The following NUCB2 variants were observed in gnomAD, a reference collection of about 807,000 sequenced individuals.
NUCB2 encodes nucleobindin 2.
A neutral mutation model predicts 57.9 loss-of-function variants in NUCB2; 48 were observed. That is an observed-to-expected ratio of 0.83 (90% CI 0.66 to 1.05). The LOEUF is 1.05. Among genes scored for constraint, NUCB2 ranks in the 50% least tolerant of loss-of-function variants. NUCB2 has a pLI of 0.00. For missense variants in NUCB2, 442 were observed against 476.2 expected (o/e 0.93, Z 0.67); for synonymous variants, 139 against 152.1 (o/e 0.91, Z 0.64).
chr11:17,322,861 T>C (rs763824665), intron 11 of NUCB2, among the ~76,000 whole-genome samples: 3 of 152,194 alleles, frequency 2.0e-5, no homozygotes, highest in Non-Finnish European at 2.9e-5. Flanking sequence ...GATTACTTTT[T>C]AAATTTCTTT....
rs780635662 is a variant in NUCB2, at chr11:17,312,108, T to C, written c.900T>C (p.His300=). ...AAGAAAGGCTTAGAATGAGGGAACA[T>C]GTAATGAATGAGGTATGTTTTAAAA... is the stretch of plus-strand genomic sequence containing the variant. ...MEEERLRMRE[H]VMNEVDTNKD... Residue 300 remains histidine, a synonymous_variant, in exon 10 of 14, where the codon CAT becomes CAC. Coordinates refer to ENST00000529010, the MANE Select transcript of NUCB2 (RefSeq NM_005013.4). 3.4e-6 allele frequency: 5 copies of C among 1,462,068 alleles called. No homozygotes were observed. In the African/African-American group the frequency reaches 5.6e-5, roughly 17 times the overall value. 90.6% of individuals were successfully genotyped at this position (1,462,068 alleles called of 1,614,324 possible).
At chr11:17,321,733 CT>C (rs1224577436) in intron 11 of NUCB2, among the ~76,000 whole-genome samples, 3 of 150,828 alleles carry the variant, frequency 2.0e-5, no homozygotes, top group Non-Finnish European at 3.0e-5. Flanking sequence ...TACGAGGGTT[CT>C]TTTTTTTTCA....
intron 11 of NUCB2, 30 bp downstream of exon 11, chr11:17,315,505 T>C (rs1038384206): frequency 4.5e-6 from 6 of 1,319,536 alleles, no homozygotes; most frequent in Non-Finnish European, 6.5e-6. Context: ...ATGAGATGTA[T>C]GGTTCAACAA....
chr11:17,324,888 G>T (rs939510814), intron 11 of NUCB2, among the ~76,000 whole-genome samples: 1 of 151,870 alleles, frequency 6.6e-6, no homozygotes. Context: ...TGCAACCTCC[G>T]CCTCCTGGGT....
intron 11 of NUCB2, among the ~76,000 whole-genome samples, chr11:17,316,447 A>G (rs747277980): frequency 6.6e-6 from 1 of 152,208 alleles, no homozygotes; most frequent in Non-Finnish European, 1.5e-5. Context: ...AGCATAATTT[A>G]TATATCCATT....
chr11:17,331,955 T>A lies in NUCB2; in HGVS notation c.*536T>A, dbSNP rs1951450036. ...AACTGCTAGAAATTCTTCACCTGAA[T>A]CACTTTTGCTACCACTTCAGGTCAT... On this transcript the variant is annotated 3_prime_UTR_variant, in exon 14 of 14. Coordinates refer to ENST00000529010, the MANE Select transcript of NUCB2 (RefSeq NM_005013.4). 6.6e-6 allele frequency: 1 copy of A among 152,328 alleles called. No individual in the cohort carries two copies. Among genetic ancestry groups the A allele is most frequent in the South Asian group, 2.1e-4 (1 of 4,832 alleles). The allele number at this position is 152,328 out of a possible 1,614,324, so 9.4% of individuals were successfully genotyped here.
chr11:17,326,744 G>A (rs907787778), intron 11 of NUCB2, among the ~76,000 whole-genome samples: 37 of 152,234 alleles, frequency 2.4e-4, no homozygotes, highest in African/African-American at 7.2e-4. Flanking sequence ...GTTTATATAC[G>A]ACAATTACAG....
chr11:17,315,308 A>G, intron 10 of NUCB2, 78 bp from the exon 11 acceptor site: 1 of 689,616 alleles, frequency 1.5e-6, no homozygotes, highest in Non-Finnish European at 2.4e-6. Flanking sequence ...AGTGGCATCT[A>G]TTACAAGACA....
At chr11:17,297,729 A>C (rs1004790707) in intron 4 of NUCB2, among the ~76,000 whole-genome samples, 3 of 152,170 alleles carry the variant, frequency 2.0e-5, no homozygotes, top group African/African-American at 4.8e-5. Context: ...TTCACATTCA[A>C]TTCCTGTTTC....
intron 2 of NUCB2, among the ~76,000 whole-genome samples, chr11:17,283,807 G>A (rs951255904): frequency 1.1e-4 from 17 of 152,304 alleles, no homozygotes; most frequent in African/African-American, 3.6e-4. Flanking sequence ...TAATCATCAG[G>A]AAGTAAATTT....
At chr11:17,319,193 C>T (rs888684494) in intron 11 of NUCB2, among the ~76,000 whole-genome samples, 8 of 152,068 alleles carry the variant, frequency 5.3e-5, no homozygotes, top group African/African-American at 1.7e-4. Context: ...TCCTTCCCCT[C>T]GACCTTCTAC....
At chr11:17,317,444 A>T (rs1353695336) in intron 11 of NUCB2, 1 of 196,154 alleles carries the variant, frequency 5.1e-6, no homozygotes, top group African/African-American at 2.3e-5. Context: ...TAATCATAGT[A>T]AAATTATCAA....
intron 2 of NUCB2, among the ~76,000 whole-genome samples, chr11:17,345,314 A>G (rs762371834): frequency 6.6e-6 from 1 of 152,184 alleles, no homozygotes; most frequent in Non-Finnish European, 1.5e-5. Flanking sequence ...GATGGTTTAC[A>G]TATCCTATTT....
At chr11:17,321,512 C>G (rs1199407628) in intron 11 of NUCB2, among the ~76,000 whole-genome samples, 1 of 152,134 alleles carries the variant, frequency 6.6e-6, no homozygotes, top group East Asian at 1.9e-4. Context: ...TTGATGGATG[C>G]TTAGCTTGCT....
intron 11 of NUCB2, among the ~76,000 whole-genome samples, chr11:17,329,768 G>C (rs769452666): frequency 2.6e-5 from 4 of 152,198 alleles, no homozygotes; most frequent in Non-Finnish European, 2.9e-5. Flanking sequence ...CCTGATGTTT[G>C]CTTCTTGTGC....
intron 2 of NUCB2, among the ~76,000 whole-genome samples, chr11:17,338,812 T>TA (rs1157638953): frequency 6.6e-6 from 1 of 151,864 alleles, no homozygotes; most frequent in Non-Finnish European, 1.5e-5. Context: ...TATAGGCATA[T>TA]GCCACCACAC....
At chr11:17,297,231 TA>T (rs1385867607) in intron 4 of NUCB2, among the ~76,000 whole-genome samples, 6 of 152,166 alleles carry the variant, frequency 3.9e-5, no homozygotes, top group African/African-American at 1.4e-4. Flanking sequence ...TTTACTTTCT[TA>T]AAAAATTACG....
intron 2 of NUCB2, among the ~76,000 whole-genome samples, chr11:17,286,169 G>A (rs931476499): frequency 6.6e-5 from 10 of 152,096 alleles, no homozygotes; most frequent in African/African-American, 2.4e-4. Flanking sequence ...CCAAGTAGCT[G>A]GGACTACAGG....
chr11:17,316,228 C>T (rs1395257220), intron 11 of NUCB2, among the ~76,000 whole-genome samples: 1 of 152,100 alleles, frequency 6.6e-6, no homozygotes, highest in Non-Finnish European at 1.5e-5. Flanking sequence ...CCTCAGCCTC[C>T]CAAAGTACTG....
Sources: allele counts gnomAD v4.1 joint callset (sites outside exome capture counted in the v4.1 genomes callset), GRCh38; gene constraint gnomAD v4.1.1; transcripts MANE v1.5; gene names NCBI Gene and HGNC (gene_info 2026-07-23, HGNC 2026-07-21).